The following RANBP2 variants were observed in gnomAD, a reference collection of about 807,000 sequenced individuals.
RANBP2 encodes RAN binding protein 2, also known as E3 SUMO-protein ligase RanBP2.
RANBP2 carries 57 observed loss-of-function variants against 303.6 expected under a neutral mutation model. The observed-to-expected ratio is 0.19, with a 90% CI of 0.15 to 0.23. RANBP2 has a LOEUF of 0.23. Among genes scored for constraint, RANBP2 ranks in the 10% least tolerant of loss-of-function variants. The pLI is 1.00. For synonymous variants in RANBP2, 1,167 were observed against 1,301.5 expected, an observed-to-expected ratio of 0.90 and a Z score of 2.23; for missense variants, 3,138 against 3,780.8, an observed-to-expected ratio of 0.83 and a Z score of 4.46.
At chr2:109,682,610 C>T in the RANBP2 span, among the ~76,000 whole-genome samples, 2 of 152,116 alleles carry the variant, frequency 1.3e-5, no homozygotes, top group Admixed American at 1.3e-4. Flanking sequence ...AAAATTGTTC[C>T]CCAAGTACCT....
chr2:108,819,336 T>G, the RANBP2 span, among the ~76,000 whole-genome samples: 31 of 152,290 alleles, frequency 2.0e-4, no homozygotes, highest in African/African-American at 7.2e-4. Flanking sequence ...ACCGTCTCCC[T>G]TGGGACAGAA....
rs1677868760 is a variant in RANBP2 at position 108,776,015 on chromosome 2, C to T, written c.8497+79C>T. The T allele has an allele frequency of 3.2e-6, 4 of 1,261,064 alleles. No homozygotes were observed. The Admixed American group carries it at 8.1e-5, about 25-fold the overall frequency. 78.1% of individuals were successfully genotyped at this position (1,261,064 alleles called of 1,614,324 possible). On this transcript the variant is annotated intron_variant, in intron 24 of 28. Transcript: ENST00000283195. ...AGAAGATAGACTTTTAAAGGCTGATCCTGAAAACTCCCTTTAAAACACATT... is the reference window on the plus strand; with the variant it reads ...AGAAGATAGACTTTTAAAGGCTGATTCTGAAAACTCCCTTTAAAACACATT...
chr2:108,754,413 ATGT>A (rs1206940473), intron 15 of RANBP2, among the ~76,000 whole-genome samples: 3 of 150,978 alleles, frequency 2.0e-5, no homozygotes, highest in African/African-American at 7.4e-5. Context: ...TGTCATGATG[ATGT>A]TAAATTATGT....
the RANBP2 span, among the ~76,000 whole-genome samples, chr2:109,040,573 TA>T: frequency 2.6e-5 from 4 of 152,242 alleles, no homozygotes; most frequent in Non-Finnish European, 5.9e-5. Context: ...TGTGTAATAT[TA>T]AAATTTCCAA....
At chr2:109,360,884 T>G in the RANBP2 span, among the ~76,000 whole-genome samples, 3 of 152,234 alleles carry the variant, frequency 2.0e-5, no homozygotes, top group Non-Finnish European at 1.5e-5. Flanking sequence ...AGTACATTCT[T>G]GCCTTGTCCT....
chr2:108,940,040 C>A, the RANBP2 span, among the ~76,000 whole-genome samples: 1 of 152,246 alleles, frequency 6.6e-6, no homozygotes, highest in Admixed American at 6.5e-5. Context: ...GAATCCCAAG[C>A]TATGTCAGCC....
At chr2:108,869,865 A>G in the RANBP2 span, among the ~76,000 whole-genome samples, 175 of 152,214 alleles carry the variant, frequency 1.1e-3, no homozygotes, top group African/African-American at 4.2e-3. Flanking sequence ...CAAATGTCAG[A>G]TTTTCAGCAA....
At chr2:109,651,409 T>G in the RANBP2 span, among the ~76,000 whole-genome samples, 1 of 152,138 alleles carries the variant, frequency 6.6e-6, no homozygotes, top group Non-Finnish European at 1.5e-5. Flanking sequence ...CCTGCTGCAT[T>G]GCTCTCCCAA....
At chr2:108,898,853 G>A in the RANBP2 span, among the ~76,000 whole-genome samples, 5 of 152,190 alleles carry the variant, frequency 3.3e-5, no homozygotes, top group African/African-American at 4.8e-5. Flanking sequence ...CAGTGAGATG[G>A]ATAATGGAAA....
chr2:109,600,085 C>T, the RANBP2 span, among the ~76,000 whole-genome samples: 1 of 152,186 alleles, frequency 6.6e-6, no homozygotes, highest in Non-Finnish European at 1.5e-5. Context: ...AGACCACTTT[C>T]TCCCTAGGCA....
At chr2:109,540,594 G>A in the RANBP2 span, among the ~76,000 whole-genome samples, 3 of 151,606 alleles carry the variant, frequency 2.0e-5, no homozygotes, top group Non-Finnish European at 2.9e-5. Context: ...GGAGGCTGAG[G>A]TGGGAGGATC....
intron 8 of RANBP2, among the ~76,000 whole-genome samples, chr2:108,747,155 A>G (rs1342164331): frequency 6.6e-6 from 1 of 152,250 alleles, no homozygotes; most frequent in Non-Finnish European, 1.5e-5. Flanking sequence ...GGATATAAAG[A>G]TGAAGAAGAT....
chr2:108,752,912 TA>T, intron 12 of RANBP2, 85 bp from the exon 13 acceptor site: 2 of 1,606,576 alleles, frequency 1.2e-6, no homozygotes, highest in Non-Finnish European at 1.7e-6. Flanking sequence ...CTTGAAATTT[TA>T]GCCAGTTCTT....
chr2:109,408,080 G>A, the RANBP2 span, among the ~76,000 whole-genome samples: 2 of 152,170 alleles, frequency 1.3e-5, no homozygotes, highest in Non-Finnish European at 2.9e-5. Context: ...CTCTGGGTGG[G>A]CACTTGCTGG....
the RANBP2 span, among the ~76,000 whole-genome samples, chr2:109,027,242 CAAAAAAA>C: frequency 3.7e-5 from 3 of 81,506 alleles, no homozygotes; most frequent in South Asian, 1.5e-3. Context: ...GGCTCTGTCT[CAAAAAAA>C]AAAAAAAAAA....
chr2:109,547,369 GTT>G, the RANBP2 span, among the ~76,000 whole-genome samples: 18 of 117,816 alleles, frequency 1.5e-4, no homozygotes, highest in African/African-American at 3.5e-4. Context: ...TAATAAACTT[GTT>G]TTTTTTTTTT....
At chr2:109,079,868 A>G in the RANBP2 span, among the ~76,000 whole-genome samples, 1 of 152,150 alleles carries the variant, frequency 6.6e-6, no homozygotes, top group Non-Finnish European at 1.5e-5. Context: ...CCTGAAACAC[A>G]TCACAGGCCA....
the RANBP2 span, among the ~76,000 whole-genome samples, chr2:109,527,812 T>TC: frequency 6.6e-6 from 1 of 152,202 alleles, no homozygotes; most frequent in African/African-American, 2.4e-5. Flanking sequence ...TGCAACTGAT[T>TC]CCCTATGAAG....
chr2:109,008,284 G>T, the RANBP2 span, among the ~76,000 whole-genome samples: 2 of 152,198 alleles, frequency 1.3e-5, no homozygotes, highest in African/African-American at 4.8e-5. Flanking sequence ...AGCAGAGAAT[G>T]TAAGTGCATG....
Sources: gnomAD v4.1 joint callset for allele counts (sites outside exome capture counted in the v4.1 genomes callset) on GRCh38, gnomAD v4.1.1 for gene constraint, MANE v1.5 for transcripts, NCBI Gene and HGNC (gene_info 2026-07-23, HGNC 2026-07-21) for gene names.